ATXN7: variants seen among roughly 807,000 people sequenced by gnomAD.
ATXN7 encodes the protein ataxin 7, also known as ataxin-7.
In ATXN7, 12 loss-of-function variants were observed where a neutral mutation model predicts 70.5. The ratio of observed to expected loss-of-function variants is 0.17; its 90% CI spans 0.11 to 0.28. The LOEUF is 0.28. Ranked by LOEUF, ATXN7 falls within the 10% of genes least tolerant of loss-of-function variation. The pLI is 1.00. For synonymous variants in ATXN7, 498 were observed against 448.7 expected, an observed-to-expected ratio of 1.11 and a Z score of -1.39; for missense variants, 1,256 against 1,131.7, an observed-to-expected ratio of 1.11 and a Z score of -1.58.
intron 4 of ATXN7, among the ~76,000 whole-genome samples, chr3:63,935,756 GT>G (rs978889264): frequency 2.0e-5 from 3 of 147,910 alleles, no homozygotes; most frequent in Admixed American, 1.4e-4. Flanking sequence ...TAGTACCAAC[GT>G]TTTTTTTTTC....
chr3:63,929,359 G>A (rs1243987702), intron 4 of ATXN7, among the ~76,000 whole-genome samples: 4 of 147,906 alleles, frequency 2.7e-5, no homozygotes, highest in Admixed American at 6.9e-5. Flanking sequence ...TGCAACCTCC[G>A]ACTCCCTGTT....
At chr3:63,865,913 A>G (rs1243583115) in intron 1 of ATXN7, among the ~76,000 whole-genome samples, 1 of 150,004 alleles carries the variant, frequency 6.7e-6, no homozygotes, top group Non-Finnish European at 1.5e-5. Context: ...AAAAAAAAAA[A>G]AAAAAAAAAA....
At chr3:63,900,458 A>G (rs1703595482) in intron 2 of ATXN7, 1 of 152,258 alleles carries the variant, frequency 6.6e-6, no homozygotes, top group African/African-American at 2.4e-5. Context: ...AGCCTCTTAA[A>G]ATGTTCTGGA....
At chr3:63,972,357 G>C (rs950741761) in intron 5 of ATXN7, among the ~76,000 whole-genome samples, 2 of 152,158 alleles carry the variant, frequency 1.3e-5, no homozygotes, top group African/African-American at 4.8e-5. Context: ...GATGTTTGTG[G>C]AATGGAGCTG....
At chr3:63,974,567 T>G (rs2106735276) in intron 5 of ATXN7, among the ~76,000 whole-genome samples, 1 of 152,380 alleles carries the variant, frequency 6.6e-6, no homozygotes. Flanking sequence ...GACAACTGAC[T>G]TGAGTCCTTT....
chr3:63,916,944 C>G (rs1034513742), intron 4 of ATXN7, among the ~76,000 whole-genome samples: 2 of 152,082 alleles, frequency 1.3e-5, no homozygotes, highest in African/African-American at 4.8e-5. Flanking sequence ...GATGGAGTCT[C>G]GCTGTGTCGC....
intron 5 of ATXN7, among the ~76,000 whole-genome samples, chr3:63,977,283 A>G (rs1281324800): frequency 6.6e-6 from 1 of 152,248 alleles, no homozygotes; most frequent in Non-Finnish European, 1.5e-5. Context: ...TGCATTCTCA[A>G]AACAAGCTTC....
chr3:63,906,502 G>C (rs1341668321), intron 2 of ATXN7, among the ~76,000 whole-genome samples: 1 of 152,198 alleles, frequency 6.6e-6, no homozygotes, highest in Non-Finnish European at 1.5e-5. Context: ...TGTTGGGAAT[G>C]CAAACTGTTG....
Position 63,912,652 on chromosome 3 carries a change from GGCGGCGGGCGGAGCAGCGGCC to G in ATXN7, c.60_80del (p.Gly21_Ala27del), listed in dbSNP as rs1704078426. ...GGGGGGAGCCGCGCCGCGCGGCGGCGGCGGCGGGCGGAGCAGCGGCCGCGGCCGCCCGGCAGCAGCAGCAGC... is the reference window on the plus strand; with the variant it reads ...GGGGGGAGCCGCGCCGCGCGGCGGCGGCGGCCGCCCGGCAGCAGCAGCAGC... On this transcript the variant is annotated inframe_deletion, in exon 3 of 13. Coordinates refer to ENST00000674280, the MANE Select transcript of ATXN7 (RefSeq NM_001377405.1). 2 of 1,038,612 alleles carry G rather than the reference GGCGGCGGGCGGAGCAGCGGCC, an allele frequency of 1.9e-6. No homozygotes were observed. The highest frequency in any genetic ancestry group is 1.7e-5 in the African/African-American group (1 of 57,670). 64.3% of individuals were successfully genotyped at this position (1,038,612 alleles called of 1,614,324 possible).
rs2075821671 is a variant in ATXN7, at chr3:64,000,439, T to C, written c.*972T>C. On this transcript the variant is annotated 3_prime_UTR_variant, in exon 13 of 13. Transcript: ENST00000674280. ...GTCCTACCTGGTCTATTTTTAAAAGTCACCTTTTAAAGTGACATTATTAGA... is the reference window on the plus strand; with the variant it reads ...GTCCTACCTGGTCTATTTTTAAAAGCCACCTTTTAAAGTGACATTATTAGA... 6.6e-6 allele frequency: 1 copy of C among 152,608 alleles called. No homozygotes were observed. 9.5% of individuals were successfully genotyped at this position (152,608 alleles called of 1,614,324 possible). A position where few individuals can be genotyped will look rare whatever the true frequency, so the allele number is the denominator to read the frequency against.
At chr3:63,878,664 G>A (rs905309912) in intron 1 of ATXN7, 1 of 152,158 alleles carries the variant, frequency 6.6e-6, no homozygotes, top group African/African-American at 2.4e-5. Flanking sequence ...AGGATGACAT[G>A]GGTTTCTGTC....
At chr3:63,885,962 A>C (rs568315054) in intron 1 of ATXN7, among the ~76,000 whole-genome samples, 1 of 152,194 alleles carries the variant, frequency 6.6e-6, no homozygotes, top group Non-Finnish European at 1.5e-5. Flanking sequence ...GTTTGCAGTG[A>C]GCTGGGATCA....
At chr3:63,865,701 C>T (rs1702395976) in intron 1 of ATXN7, among the ~76,000 whole-genome samples, 1 of 151,118 alleles carries the variant, frequency 6.6e-6, no homozygotes, top group South Asian at 2.1e-4. Context: ...ACCATCCCGG[C>T]TAAAACGGTG....
chr3:63,987,953 C>T, intron 8 of ATXN7, 106 bp from the exon 9 acceptor site: 8 of 1,370,666 alleles, frequency 5.8e-6, no homozygotes, highest in Non-Finnish European at 8.0e-6. Flanking sequence ...TTTCACTATG[C>T]TTATGGTCTA....
At chr3:63,897,037 A>T (rs567133848) in intron 1 of ATXN7, among the ~76,000 whole-genome samples, 1 of 152,336 alleles carries the variant, frequency 6.6e-6, no homozygotes, top group African/African-American at 2.4e-5. Context: ...AGGGTGGTGA[A>T]TGCTTATCAT....
At chr3:63,916,248 C>G (rs1704263449) in intron 4 of ATXN7, among the ~76,000 whole-genome samples, 1 of 152,130 alleles carries the variant, frequency 6.6e-6, no homozygotes, top group South Asian at 2.1e-4. Flanking sequence ...ACTCTTTCAA[C>G]TGTTGATAAC....
chr3:63,987,251 A>G (rs532159033), intron 8 of ATXN7, among the ~76,000 whole-genome samples: 38 of 152,228 alleles, frequency 2.5e-4, no homozygotes, highest in Non-Finnish European at 4.4e-4. Flanking sequence ...ATTTGCTTCA[A>G]CCACAGGTGT....
chr3:63,999,277 G>T, intron 12 of ATXN7, 173 bp from the exon 13 acceptor site: 1 of 601,346 alleles, frequency 1.7e-6, no homozygotes, highest in Non-Finnish European at 3.0e-6. Context: ...AGTAGTGAAG[G>T]CATTTGAAAG....
At chr3:63,919,393 T>G (rs1240747755) in intron 4 of ATXN7, among the ~76,000 whole-genome samples, 3 of 152,198 alleles carry the variant, frequency 2.0e-5, no homozygotes, top group Admixed American at 6.5e-5. Context: ...GGAAACCCAA[T>G]CTGCAGAATC....
Sources: gnomAD v4.1 joint callset for allele counts (sites outside exome capture counted in the v4.1 genomes callset) on GRCh38, gnomAD v4.1.1 for gene constraint, MANE v1.5 for transcripts, NCBI Gene and HGNC (gene_info 2026-07-23, HGNC 2026-07-21) for gene names.